Variants in CIZ1 observed in about 807,000 individuals in gnomAD.
CIZ1 encodes cip1-interacting zinc finger protein.
Under a neutral mutation model 118.6 loss-of-function variants are expected in CIZ1, and 58 were observed. The observed-to-expected ratio is 0.49, with a 90% confidence interval of 0.40 to 0.61. The LOEUF (loss-of-function observed/expected upper bound fraction) is 0.61, where lower values mean the gene tolerates loss of function less well. Among genes scored for constraint, CIZ1 ranks in the 20% least tolerant of loss-of-function variants. The pLI is 0.00. For synonymous variants in CIZ1, 448 were observed against 443.4 expected (o/e 1.01, Z -0.13); for missense variants, 921 against 1,115.9 (o/e 0.83, Z 2.49).
chr9:128,191,602 A>C, upstream of CIZ1: 1 of 1,180,118 alleles, frequency 8.5e-7, no homozygotes, highest in Non-Finnish European at 1.0e-6. This position sits in a 1 kb window ranked among gnomAD's most constrained non-coding sequence, Gnocchi z 5.5. Flanking sequence ...CGGCCGGGGC[A>C]GCGCCCTCTG....
intron 7 of CIZ1, among the ~76,000 whole-genome samples, chr9:128,179,725 T>G (rs1409479380): frequency 6.6e-6 from 1 of 152,042 alleles, no homozygotes; most frequent in African/African-American, 2.4e-5. Flanking sequence ...CAGGCTGGAG[T>G]GCAATGGCGC....
chr9:128,183,554 C>T (rs546747814), intron 5 of CIZ1, among the ~76,000 whole-genome samples: 54 of 152,298 alleles, frequency 3.5e-4, no homozygotes, highest in African/African-American at 1.3e-3. Flanking sequence ...GCAGGAGCTG[C>T]GGAGACCTTC....
At position 128,177,748 on chromosome 9, in the gene CIZ1, C is replaced by A; in HGVS notation, c.1636G>T (p.Gly546Cys). 1.3e-6 allele frequency: 2 copies of A among 1,598,912 alleles called. No individual in the cohort carries two copies. The highest frequency in any genetic ancestry group is 1.7e-6 in the Non-Finnish European group (2 of 1,173,160). Residue 546 changes from glycine (G) to cysteine (C), a missense_variant, in exon 10 of 17, where the codon GGC becomes TGC. Physicochemically the swap from Gly to Cys is radical, Grantham distance 159 (BLOSUM62 -3). Coordinates refer to ENST00000372938, the MANE Select transcript of CIZ1 (RefSeq NM_001131016.2). The stretch of plus-strand genomic sequence containing the variant: ...TGCAGAATGGTGACCTTCAGGGAGC[C>A]CCCGGCGCCCCATACCTGCATGGGG... Reference protein sequence around the residue: ...REMPGVWGAGGSLKVTILQSS... With the variant: ...REMPGVWGAGCSLKVTILQSS...
chr9:128,178,332 G>A, intron 9 of CIZ1, 37 bp downstream of exon 9: 2 of 1,596,038 alleles, frequency 1.3e-6, no homozygotes, highest in South Asian at 1.1e-5. Flanking sequence ...GCTGGGCTCT[G>A]TGGCCCTCAC....
At chr9:128,193,125 G>A (rs1833275053), upstream of CIZ1, among the ~76,000 whole-genome samples, 1 of 152,204 alleles carries the variant, frequency 6.6e-6, no homozygotes, top group African/African-American at 2.4e-5. Context: ...AACTCAACCT[G>A]GACTAGTCGT....
chr9:128,184,812 C>T (rs998719240), intron 5 of CIZ1, among the ~76,000 whole-genome samples: 1 of 152,040 alleles, frequency 6.6e-6, no homozygotes, highest in Non-Finnish European at 1.5e-5. Flanking sequence ...GGATTACAGG[C>T]ATGCACCACC....
chr9:128,166,704 T>G lies in CIZ1; in HGVS notation c.2487+55A>C. On this transcript the variant is annotated intron_variant, in intron 16 of 16. Transcript: ENST00000372938. The surrounding 1 kb of genome is among the most constrained non-coding windows in gnomAD (Gnocchi z 4.4). ...TGGCCACTAGCCACCCGAATCAGCTTGGATTAAGACTAAGTCTGTGGCCAG... is the reference window on the plus strand; with the variant it reads ...TGGCCACTAGCCACCCGAATCAGCTGGGATTAAGACTAAGTCTGTGGCCAG... 1 of 1,611,896 alleles carries G rather than the reference T, an allele frequency of 6.2e-7. No individual in the cohort carries two copies.
chr9:128,185,273 C>T (rs1278238528), intron 5 of CIZ1, among the ~76,000 whole-genome samples: 2 of 152,114 alleles, frequency 1.3e-5, no homozygotes, highest in Non-Finnish European at 2.9e-5. Context: ...AGCGAAACTT[C>T]ATCTCAAAAA....
At chr9:128,187,065 G>A (rs1254158623) in intron 4 of CIZ1, among the ~76,000 whole-genome samples, 1 of 151,080 alleles carries the variant, frequency 6.6e-6, no homozygotes, top group Non-Finnish European at 1.5e-5. Flanking sequence ...TCAGCCTCCC[G>A]ACTAGCTGGG....
chr9:128,190,036 GCTT>G (rs1369046359), intron 3 of CIZ1, among the ~76,000 whole-genome samples: 1 of 152,150 alleles, frequency 6.6e-6, no homozygotes, highest in East Asian at 1.9e-4. Flanking sequence ...TCCCTTCTTA[GCTT>G]CTTCACCTGT....
chr9:128,180,231 G>T (rs1253001107), intron 7 of CIZ1, among the ~76,000 whole-genome samples, 184 bp downstream of exon 7: 1 of 152,126 alleles, frequency 6.6e-6, no homozygotes, highest in African/African-American at 2.4e-5. Context: ...CCAGAGTCTG[G>T]CTGGGAGCTT....
upstream of CIZ1, among the ~76,000 whole-genome samples, chr9:128,193,888 C>T (rs1213468528): frequency 6.6e-6 from 1 of 152,164 alleles, no homozygotes; most frequent in Non-Finnish European, 1.5e-5. Flanking sequence ...TGTGTGCCCC[C>T]TCCCGGGGTG....
chr9:128,199,143 G>GACA (rs1464277812), intron 1 of CIZ1, among the ~76,000 whole-genome samples: 6 of 152,014 alleles, frequency 3.9e-5, no homozygotes, highest in African/African-American at 1.2e-4. Flanking sequence ...CGAGGTGAGT[G>GACA]GATCACCTGA....
intron 4 of CIZ1, among the ~76,000 whole-genome samples, chr9:128,187,257 C>T (rs1371416969): frequency 1.3e-5 from 2 of 152,194 alleles, no homozygotes; most frequent in Non-Finnish European, 2.9e-5. Context: ...CTGCTTTCTG[C>T]TTCACATCAT....
chr9:128,187,784 T>G, intron 4 of CIZ1, 79 bp downstream of exon 4: 2 of 402,262 alleles, frequency 5.0e-6, no homozygotes, highest in East Asian at 4.2e-5. Context: ...AAAACATTCA[T>G]GACATAGCTT....
upstream of CIZ1, among the ~76,000 whole-genome samples, chr9:128,196,695 C>T (rs1027028917): frequency 5.9e-5 from 9 of 152,300 alleles, no homozygotes; most frequent in African/African-American, 2.2e-4. Flanking sequence ...CCTCCACCTC[C>T]CGGGTTCAAG....
intron 7 of CIZ1, among the ~76,000 whole-genome samples, chr9:128,179,770 C>T (rs1487916400): frequency 6.6e-6 from 1 of 152,086 alleles, no homozygotes; most frequent in Non-Finnish European, 1.5e-5. Flanking sequence ...TCTCCCAGGT[C>T]CAAGCGATTC....
chr9:128,177,546 C>CCAAAAAAAAGTA lies in CIZ1; in HGVS notation c.1818+19_1818+20insTACTTTTTTTTG. 2 of 1,353,458 alleles carry CCAAAAAAAAGTA rather than the reference C, an allele frequency of 1.5e-6. No homozygotes were observed. Among genetic ancestry groups the CCAAAAAAAAGTA allele is most frequent in the Non-Finnish European group, 2.0e-6 (2 of 1,013,754 alleles). The allele number at this position is 1,353,458 out of a possible 1,614,324, so 83.8% of individuals were successfully genotyped here. On this transcript the variant is annotated intron_variant, in intron 10 of 16. Transcript: ENST00000372938. ...CACGCAGGCCCCACCCCTCCCCACC[C>CCAAAAAAAAGTA]TTATCTCCTGTATCAGTACCTGCTG...
Position 128,185,529 on chromosome 9 carries a change from T to C in CIZ1, c.588+18A>G. 7 of 675,574 alleles carry C rather than the reference T, an allele frequency of 1.0e-5. No individual in the cohort carries two copies. The highest frequency in any genetic ancestry group is 1.2e-5 in the Non-Finnish European group (5 of 425,218). The allele number at this position is 675,574 out of a possible 1,614,324, so 41.8% of individuals were successfully genotyped here. On this transcript the variant is annotated intron_variant, in intron 5 of 16. Transcript: ENST00000372938. ...CAGGGTCCCCTCCCGCCCACTCCCA[T>C]CCCCACCTACCACTCACCTTTCGAT...
Sources: gnomAD v4.1 joint callset for allele counts (sites outside exome capture counted in the v4.1 genomes callset) on GRCh38, gnomAD v4.1.1 for gene constraint, Gnocchi (gnomAD v3.1) non-coding constraint, MANE v1.5 for transcripts, NCBI Gene and HGNC (gene_info 2026-07-23, HGNC 2026-07-21) for gene names.